ZMAT4: variants seen among roughly 807,000 people sequenced by gnomAD.
The protein encoded by ZMAT4 is zinc finger matrin-type protein 4.
ZMAT4 carries 17 observed loss-of-function variants against 28.7 expected under a neutral mutation model. The ratio of observed to expected loss-of-function variants is 0.59; its 90% CI spans 0.41 to 0.89. The LOEUF (loss-of-function observed/expected upper bound fraction) is 0.89, where lower values mean the gene tolerates loss of function less well. Among genes scored for constraint, ZMAT4 ranks in the 40% least tolerant of loss-of-function variants. The pLI is 0.00. For synonymous variants in ZMAT4, 117 were observed against 109.2 expected, an observed-to-expected ratio of 1.07 and a Z score of -0.44; for missense variants, 240 against 283.8, an observed-to-expected ratio of 0.85 and a Z score of 1.11.
intron 2 of ZMAT4, among the ~76,000 whole-genome samples, chr8:40,768,280 G>T (rs1202642044): frequency 6.6e-6 from 1 of 152,128 alleles, no homozygotes; most frequent in Non-Finnish European, 1.5e-5. Flanking sequence ...GTCAGTCTGC[G>T]GACTGACCAC....
chr8:40,650,254 A>G (rs1233138363), intron 5 of ZMAT4, among the ~76,000 whole-genome samples: 1 of 152,226 alleles, frequency 6.6e-6, no homozygotes, highest in East Asian at 1.9e-4. Context: ...ATCACCACCG[A>G]TCCCACAGAA....
intron 1 of ZMAT4, among the ~76,000 whole-genome samples, chr8:40,865,590 G>T (rs992978316): frequency 6.6e-6 from 1 of 152,186 alleles, no homozygotes; most frequent in Admixed American, 6.5e-5. Flanking sequence ...CAGCCAGCTG[G>T]GGGATTGAAA....
At chr8:40,892,161 C>T (rs1818716815) in intron 1 of ZMAT4, among the ~76,000 whole-genome samples, 1 of 152,180 alleles carries the variant, frequency 6.6e-6, no homozygotes, top group South Asian at 2.1e-4. Flanking sequence ...TGTGTCTTAC[C>T]CAGAGTGATC....
intron 2 of ZMAT4, among the ~76,000 whole-genome samples, chr8:40,801,999 C>G (rs551003159): frequency 1.6e-4 from 24 of 152,208 alleles, no homozygotes; most frequent in Non-Finnish European, 1.3e-4. Flanking sequence ...TTAAAAGATG[C>G]AGAAAAAACA....
chr8:40,613,271 C>T (rs1170318085), intron 5 of ZMAT4, among the ~76,000 whole-genome samples: 2 of 141,832 alleles, frequency 1.4e-5, no homozygotes, highest in Non-Finnish European at 3.0e-5. Flanking sequence ...AAACTTCCAC[C>T]TCCTGGGTTC....
At chr8:40,546,280 C>T (rs1027138596) in intron 6 of ZMAT4, among the ~76,000 whole-genome samples, 1 of 149,746 alleles carries the variant, frequency 6.7e-6, no homozygotes, top group Non-Finnish European at 1.5e-5. Flanking sequence ...TTAAAGAAAC[C>T]ACAGGGTGAA....
At chr8:40,568,415 G>T (rs1028661357) in intron 6 of ZMAT4, among the ~76,000 whole-genome samples, 3 of 152,084 alleles carry the variant, frequency 2.0e-5, no homozygotes, top group Non-Finnish European at 2.9e-5. Flanking sequence ...CTATCCCGCA[G>T]CTTCACTGAG....
At chr8:40,740,138 A>C (rs1811938820) in intron 3 of ZMAT4, among the ~76,000 whole-genome samples, 2 of 152,242 alleles carry the variant, frequency 1.3e-5, no homozygotes, top group African/African-American at 2.4e-5. Context: ...AGAATGATTT[A>C]TAATCCTTTG....
At chr8:40,807,174 G>T (rs1319074060) in intron 2 of ZMAT4, among the ~76,000 whole-genome samples, 1 of 151,486 alleles carries the variant, frequency 6.6e-6, no homozygotes, top group Non-Finnish European at 1.5e-5. Context: ...GGGCACAGTG[G>T]CTTATGCCTG....
At chr8:40,863,950 A>G (rs547058914) in intron 1 of ZMAT4, among the ~76,000 whole-genome samples, 2 of 152,372 alleles carry the variant, frequency 1.3e-5, no homozygotes, top group East Asian at 3.9e-4. Flanking sequence ...AAGTCCTAGA[A>G]AATGGGAATG....
chr8:40,618,745 C>G (rs1806101102), intron 5 of ZMAT4, among the ~76,000 whole-genome samples: 1 of 152,144 alleles, frequency 6.6e-6, no homozygotes, highest in Non-Finnish European at 1.5e-5. Context: ...GTCTGGCTCC[C>G]TCACGACAGC....
At chr8:40,848,207 G>A (rs74642919) in intron 1 of ZMAT4, among the ~76,000 whole-genome samples, 9,048 of 152,252 alleles carry the variant, frequency 0.059, 299 homozygotes, top group Non-Finnish European at 0.064. Flanking sequence ...AGTAATAACT[G>A]TTGAAGAGAA....
intron 5 of ZMAT4, among the ~76,000 whole-genome samples, chr8:40,643,380 AC>A (rs1807141632): frequency 6.6e-6 from 1 of 152,196 alleles, no homozygotes; most frequent in Non-Finnish European, 1.5e-5. Flanking sequence ...CATATTTGAC[AC>A]TTGGAAAACC....
Position 40,695,850 on chromosome 8 carries a change from C to T in ZMAT4, c.349+1395G>A, listed in dbSNP as rs1312507269. 1.3e-4 allele frequency among the ~76,000 whole-genome samples: 17 copies of T among 132,700 alleles called. No individual in the cohort carries two copies. In the Admixed American group the frequency reaches 1.5e-3, roughly 11 times the overall value. The allele number at this position is 132,700 out of a possible 152,430, so 87.1% of individuals were successfully genotyped here. ...TTTGCTAATTGATGTGATAAGCAAA[C>T]ACACACCTTCTCCTCTTCCATCATT... is the stretch of plus-strand genomic sequence containing the variant. On this transcript the variant is annotated intron_variant, in intron 4 of 6. Coordinates refer to ENST00000297737, the MANE Select transcript of ZMAT4 (RefSeq NM_024645.3).
At chr8:40,846,645 C>A (rs1239505801) in intron 1 of ZMAT4, among the ~76,000 whole-genome samples, 1 of 152,226 alleles carries the variant, frequency 6.6e-6, no homozygotes, top group East Asian at 1.9e-4. Flanking sequence ...GAGCATCCTG[C>A]ATCTTTCCAG....
chr8:40,752,288 C>T (rs1812483261), intron 3 of ZMAT4, among the ~76,000 whole-genome samples: 1 of 152,126 alleles, frequency 6.6e-6, no homozygotes, highest in African/African-American at 2.4e-5. Context: ...TCCCTGTGTC[C>T]CTCTGCCACT....
chr8:40,586,875 G>C (rs1033759289), intron 5 of ZMAT4, among the ~76,000 whole-genome samples: 1 of 152,136 alleles, frequency 6.6e-6, no homozygotes, highest in African/African-American at 2.4e-5. Context: ...TAAAGGTTGT[G>C]AAAGTGTTGC....
At chr8:40,724,130 T>C (rs1402705914) in intron 3 of ZMAT4, among the ~76,000 whole-genome samples, 1 of 152,164 alleles carries the variant, frequency 6.6e-6, no homozygotes, top group Non-Finnish European at 1.5e-5. Flanking sequence ...CAAAAGACGT[T>C]CCCCAGTGTT....
chr8:40,791,683 A>AT (rs1339977651), intron 2 of ZMAT4, among the ~76,000 whole-genome samples: 1 of 152,174 alleles, frequency 6.6e-6, no homozygotes, highest in Non-Finnish European at 1.5e-5. Context: ...CAGAACATAG[A>AT]TTTTTTTAAA....
Sources: gnomAD v4.1 joint callset for allele counts (sites outside exome capture counted in the v4.1 genomes callset) on GRCh38, gnomAD v4.1.1 for gene constraint, MANE v1.5 for transcripts, NCBI Gene and HGNC (gene_info 2026-07-23, HGNC 2026-07-21) for gene names.